The following PPM1K variants were observed in gnomAD, a reference collection of about 807,000 sequenced individuals.
The protein encoded by PPM1K is protein phosphatase, Mg2+/Mn2+ dependent 1K.
PPM1K carries 19 observed loss-of-function variants against 32.6 expected under a neutral mutation model. That is an observed-to-expected ratio of 0.58 (90% CI 0.41 to 0.86). The LOEUF is 0.86. Among genes scored for constraint, PPM1K ranks in the 40% least tolerant of loss-of-function variants. The pLI, the probability that PPM1K is intolerant of heterozygous loss-of-function variation, is 0.00. For missense variants in PPM1K, 362 were observed against 461.2 expected (o/e 0.78, Z 1.97); for synonymous variants, 159 against 165.3 (o/e 0.96, Z 0.29).
At position 88,278,009 on chromosome 4, in the gene PPM1K, A is replaced by G; in HGVS notation, c.440+135T>C. 4.4e-6 allele frequency: 3 copies of G among 684,614 alleles called. No homozygotes were observed. The highest frequency in any genetic ancestry group is 7.4e-6 in the Non-Finnish European group (3 of 406,838). 42.4% of individuals were successfully genotyped at this position (684,614 alleles called of 1,614,324 possible). A position where few individuals can be genotyped will look rare whatever the true frequency, so the allele number is the denominator to read the frequency against. On this transcript the variant is annotated intron_variant, in intron 2 of 6. Transcript: ENST00000608933. The surrounding 1 kb of genome is among the most constrained non-coding windows in gnomAD (Gnocchi z 4.2). Reference sequence around the variant, plus strand: ...AAGTAATAAATGGCACACTTAAACTACTGCTCATTCGTGAAGCAGCAGCAT... The same window carrying G: ...AAGTAATAAATGGCACACTTAAACTGCTGCTCATTCGTGAAGCAGCAGCAT...
In PPM1K at chr4:88,284,546, C is replaced by A. The variant is rs1279416021; in HGVS notation, c.-200G>T. The A allele has an allele frequency of 3.3e-5, 5 of 152,404 alleles. No individual in the cohort carries two copies. The highest frequency in any genetic ancestry group is 2.0e-4 in the Admixed American group (3 of 15,312). The allele number at this position is 152,404 out of a possible 1,614,324, so 9.4% of individuals were successfully genotyped here. On this transcript the variant is annotated 5_prime_UTR_variant, in exon 1 of 7. Coordinates refer to ENST00000608933, the MANE Select transcript of PPM1K (RefSeq NM_152542.5). ...AGCAGTCAAAGCGGCCACTGCCTTG[C>A]CTGCTGGAAATTCTCGAAAATTTTT... is the stretch of plus-strand genomic sequence containing the variant.
intron 3 of PPM1K, chr4:88,276,488 A>C (rs1394221466): frequency 1.0e-6 from 1 of 985,290 alleles, no homozygotes. Context: ...TCAAAACCAG[A>C]AACATTTCAC....
At position 88,277,175 on chromosome 4, in the gene PPM1K, G is replaced by A; in HGVS notation, c.509C>T (p.Ala170Val). ...LTLAFLEIDK[A>V]FSSHARLSAD... ...AGACAGGCGGGCATGACTCGAAAAGGCTTTATCTATTTCTAGAAAAGCCAA... is the reference window on the plus strand; with the variant it reads ...AGACAGGCGGGCATGACTCGAAAAGACTTTATCTATTTCTAGAAAAGCCAA... The change falls in exon 3 of 7, where the codon GCC becomes GTC. Residue 170 changes from alanine (A) to valine (V), a missense_variant. Ala to Val is a moderately conservative substitution (Grantham distance 64). Coordinates refer to ENST00000608933, the MANE Select transcript of PPM1K (RefSeq NM_152542.5). The A allele has an allele frequency of 6.2e-7, 1 of 1,613,938 alleles. No homozygotes were observed. Among genetic ancestry groups the A allele is most frequent in the Non-Finnish European group, 8.5e-7 (1 of 1,179,880 alleles).
chr4:88,267,541 T>A (rs1339292707), intron 5 of PPM1K, among the ~76,000 whole-genome samples: 1 of 152,216 alleles, frequency 6.6e-6, no homozygotes, highest in Non-Finnish European at 1.5e-5. Context: ...CCAAAATATT[T>A]CTCCCCGAAA....
intron 5 of PPM1K, 34 bp downstream of exon 5, chr4:88,268,156 C>G: frequency 6.2e-7 from 1 of 1,609,206 alleles, no homozygotes. Context: ...TCACTCTCCG[C>G]AGGTTTATCA....
rs1017776125 is a variant in PPM1K at position 88,259,941 on chromosome 4, A to G, written c.*2654T>C. The G allele has an allele frequency of 2.6e-5, 4 of 152,190 alleles. No homozygotes were observed. The highest frequency in any genetic ancestry group is 9.7e-5 in the African/African-American group (4 of 41,422). 9.4% of individuals were successfully genotyped at this position (152,190 alleles called of 1,614,324 possible). On this transcript the variant is annotated 3_prime_UTR_variant, in exon 7 of 7. Transcript: ENST00000608933. ...CTTGGCTATCTACCTCAATCCATCA[A>G]TCACCCTCATGCCTTTGAACTTGAC...
At chr4:88,270,232 A>G (rs1306619256) in intron 3 of PPM1K, among the ~76,000 whole-genome samples, 3 of 152,234 alleles carry the variant, frequency 2.0e-5, no homozygotes, top group Non-Finnish European at 4.4e-5. Context: ...TTTTCCAATC[A>G]GTATATTAAA....
At chr4:88,273,359 G>C (rs1263397839) in intron 3 of PPM1K, among the ~76,000 whole-genome samples, 3 of 152,222 alleles carry the variant, frequency 2.0e-5, no homozygotes, top group Non-Finnish European at 4.4e-5. Context: ...GCTTGCACAG[G>C]TGAATGCCAG....
rs1475719604 is a variant in PPM1K, at chr4:88,262,614, G to C, written c.1100C>G (p.Ser367Cys). Residue 367 changes from serine to cysteine, a missense_variant, in exon 7 of 7, where the codon TCC becomes TGC. By Grantham distance (112) the Ser-to-Cys change is moderately radical (BLOSUM62 -1). Transcript: ENST00000608933. ...TGGTAATCAGGCCCATCGTCCACTG[G>C]AGGCAAAGCTTCTGCTGAATGAGAA... ...INFSFSRSFA[S>C]SGRWA 1 of 1,614,044 alleles carries C rather than the reference G, an allele frequency of 6.2e-7. No individual in the cohort carries two copies. The highest frequency in any genetic ancestry group is 8.5e-7 in the Non-Finnish European group (1 of 1,179,984).
intron 1 of PPM1K, chr4:88,284,160 C>G (rs968944107): frequency 6.6e-6 from 1 of 151,874 alleles, no homozygotes; most frequent in Non-Finnish European, 1.5e-5. Flanking sequence ...CGCAGGCAGC[C>G]CAGCTGGGCC....
rs1731143643 is a variant in PPM1K, at chr4:88,262,141, T to A, written c.*454A>T. On this transcript the variant is annotated 3_prime_UTR_variant, in exon 7 of 7. Transcript: ENST00000608933. ...CAGTTATTAAAAATAAAAACTCGCA[T>A]TTTAGGATTAGGGAAGTCTGGAAAA... 1 of 152,944 alleles carries A rather than the reference T, an allele frequency of 6.5e-6. No homozygotes were observed. The highest frequency in any genetic ancestry group is 1.5e-5 in the Non-Finnish European group (1 of 68,704). The allele number at this position is 152,944 out of a possible 1,614,324, so 9.5% of individuals were successfully genotyped here. A position where few individuals can be genotyped will look rare whatever the true frequency, so the allele number is the denominator to read the frequency against.
intron 1 of PPM1K, among the ~76,000 whole-genome samples, chr4:88,282,150 G>C (rs1039685206): frequency 2.0e-5 from 3 of 152,168 alleles, no homozygotes; most frequent in African/African-American, 2.4e-5. Context: ...TCAATTTTTT[G>C]ATCGGAAAAC....
intron 3 of PPM1K, among the ~76,000 whole-genome samples, chr4:88,269,184 C>A (rs761262103): frequency 3.3e-5 from 5 of 152,166 alleles, no homozygotes; most frequent in Non-Finnish European, 7.3e-5. Context: ...GGCCTCTATT[C>A]ATATCAAGTA....
intron 4 of PPM1K, among the ~76,000 whole-genome samples, 197 bp downstream of exon 4, chr4:88,268,544 C>T (rs1578315260): frequency 6.6e-6 from 1 of 152,076 alleles, no homozygotes; most frequent in African/African-American, 2.4e-5. Flanking sequence ...TGGTGTGAAC[C>T]CGGGAGGTGG....
chr4:88,265,221 C>G (rs1731258995), intron 5 of PPM1K, 86 bp from the exon 6 acceptor site: 6 of 1,514,156 alleles, frequency 4.0e-6, no homozygotes, highest in Non-Finnish European at 3.6e-6. Flanking sequence ...ACCTGTTTTG[C>G]TAAGCGGTCA....
intron 6 of PPM1K, 144 bp downstream of exon 6, chr4:88,264,857 T>C: frequency 1.2e-6 from 1 of 861,108 alleles, no homozygotes; most frequent in African/African-American, 1.7e-5. Flanking sequence ...AAATTTTAAC[T>C]TGGGGAAATA....
chr4:88,262,512 TAGG>T lies in PPM1K; in HGVS notation c.*80_*82del. The T allele has an allele frequency of 6.6e-7, 1 of 1,504,194 alleles. No individual in the cohort carries two copies. Among genetic ancestry groups the T allele is most frequent in the Non-Finnish European group, 9.0e-7 (1 of 1,107,372 alleles). The allele number at this position is 1,504,194 out of a possible 1,614,324, so 93.2% of individuals were successfully genotyped here. On this transcript the variant is annotated 3_prime_UTR_variant, in exon 7 of 7. Coordinates refer to ENST00000608933, the MANE Select transcript of PPM1K (RefSeq NM_152542.5). ...TGACTTGTGCGCTGATCTAGTGAGT[TAGG>T]AGACCTTTTTGATCTTATCAGTTTC...
At chr4:88,275,713 C>T in intron 3 of PPM1K, 1 of 985,370 alleles carries the variant, frequency 1.0e-6, no homozygotes, top group Middle Eastern at 5.2e-4. Context: ...TAGCCAGATG[C>T]ACAGCCAACT....
intron 3 of PPM1K, chr4:88,274,802 TA>T (rs796273065): frequency 3.8e-5 from 6 of 156,000 alleles, no homozygotes; most frequent in African/African-American, 1.4e-4. Flanking sequence ...ATGTATTTGA[TA>T]AAATAGGCCC....
Sources: allele counts gnomAD v4.1 joint callset (sites outside exome capture counted in the v4.1 genomes callset), GRCh38; gene constraint gnomAD v4.1.1; non-coding constraint Gnocchi (gnomAD v3.1); transcripts MANE v1.5; gene names NCBI Gene and HGNC (gene_info 2026-07-23, HGNC 2026-07-21).